The following PHF24 variants were observed in gnomAD, a reference collection of about 807,000 sequenced individuals.
The protein encoded by PHF24 is Galpha inhibitory interacting protein.
Under a neutral mutation model 42.6 loss-of-function variants are expected in PHF24, and 25 were observed. That is an observed-to-expected ratio of 0.59 (90% confidence interval 0.43 to 0.82). The LOEUF is 0.82. Ranked by LOEUF, PHF24 falls within the 40% of genes least tolerant of loss-of-function variation. The pLI is 0.00. For missense variants in PHF24, 470 were observed against 538.1 expected (o/e 0.87, Z 1.25); for synonymous variants, 185 against 204.8 (o/e 0.90, Z 0.83).
chr9:34,828,911 T>TTATTTATATCTATATCTATATCTA, the PHF24 span, among the ~76,000 whole-genome samples: 1 of 143,360 alleles, frequency 7.0e-6, no homozygotes, highest in African/African-American at 2.6e-5. Flanking sequence ...TTGCATGGTT[T>TTATTTATATCTATATCTATATCTA]TATCTATATC....
the PHF24 span, among the ~76,000 whole-genome samples, chr9:34,860,687 A>AGTGTGTGTGT: frequency 2.3e-3 from 346 of 150,062 alleles, 1 homozygote; most frequent in Middle Eastern, 0.024. Context: ...GACCTTTAAA[A>AGTGTGTGTGT]GTGTGTGTGT....
At chr9:34,886,710 G>A in the PHF24 span, among the ~76,000 whole-genome samples, 12 of 151,042 alleles carry the variant, frequency 7.9e-5, no homozygotes, top group Admixed American at 2.6e-4. Context: ...CACTCCCTTC[G>A]TGGTCATATC....
the PHF24 span, among the ~76,000 whole-genome samples, chr9:34,713,063 A>G: frequency 1.3e-5 from 2 of 151,972 alleles, no homozygotes; most frequent in Admixed American, 1.3e-4. Flanking sequence ...CAATTTTTTC[A>G]CTCCTTAGGG....
the PHF24 span, among the ~76,000 whole-genome samples, chr9:34,853,845 A>G: frequency 1.3e-5 from 2 of 150,008 alleles, no homozygotes; most frequent in Non-Finnish European, 3.0e-5. Flanking sequence ...AAAAAAAAAA[A>G]AGAAATGGCA....
At chr9:34,781,565 G>A in the PHF24 span, among the ~76,000 whole-genome samples, 1 of 152,086 alleles carries the variant, frequency 6.6e-6, no homozygotes, top group African/African-American at 2.4e-5. Context: ...TAACATTACC[G>A]AATTATACAT....
chr9:34,774,706 G>C, the PHF24 span, among the ~76,000 whole-genome samples: 1 of 152,182 alleles, frequency 6.6e-6, no homozygotes. Flanking sequence ...CTGGGAAGCA[G>C]AGGTTGGAGT....
At chr9:34,761,551 G>A in the PHF24 span, among the ~76,000 whole-genome samples, 1 of 152,056 alleles carries the variant, frequency 6.6e-6, no homozygotes, top group Non-Finnish European at 1.5e-5. Context: ...CTTGGTAAGG[G>A]GAAAAAGATG....
the PHF24 span, among the ~76,000 whole-genome samples, chr9:34,811,918 A>G: frequency 6.6e-6 from 1 of 152,254 alleles, no homozygotes; most frequent in African/African-American, 2.4e-5. Flanking sequence ...AATATCCAGT[A>G]TATATAAAGA....
At chr9:34,725,069 A>G in the PHF24 span, 1 of 1,551,882 alleles carries the variant, frequency 6.4e-7, no homozygotes, top group Non-Finnish European at 8.7e-7. Flanking sequence ...TGCTGTCTGC[A>G]GTTCCAGGAA....
At chr9:34,909,707 C>T in the PHF24 span, among the ~76,000 whole-genome samples, 6 of 151,806 alleles carry the variant, frequency 4.0e-5, no homozygotes, top group South Asian at 2.1e-4. Flanking sequence ...CTGCAAGCTC[C>T]GCCTCCCGGG....
At chr9:34,954,708 CTCAT>C (rs111295649), upstream of PHF24, among the ~76,000 whole-genome samples, 4,257 of 152,284 alleles carry the variant, frequency 0.028, 208 homozygotes, top group African/African-American at 0.096. Flanking sequence ...CATACACACT[CTCAT>C]TCAGTCCTTT....
the PHF24 span, among the ~76,000 whole-genome samples, chr9:34,694,099 G>A: frequency 6.6e-6 from 1 of 150,606 alleles, no homozygotes; most frequent in East Asian, 2.0e-4. Flanking sequence ...TACAGATTGA[G>A]GCCCACTGAT....
intron 1 of PHF24, among the ~76,000 whole-genome samples, chr9:34,970,805 T>G (rs531133613): frequency 4.6e-4 from 70 of 152,312 alleles, no homozygotes; most frequent in African/African-American, 1.6e-3. Context: ...GAGACAGAGA[T>G]ATCATTTCAT....
At chr9:34,806,723 T>G in the PHF24 span, among the ~76,000 whole-genome samples, 2 of 152,224 alleles carry the variant, frequency 1.3e-5, no homozygotes, top group Admixed American at 1.3e-4. Context: ...CCTCCCAAAG[T>G]GCTGGCATTA....
At chr9:34,887,805 A>G in the PHF24 span, among the ~76,000 whole-genome samples, 1 of 151,962 alleles carries the variant, frequency 6.6e-6, no homozygotes, top group African/African-American at 2.4e-5. Flanking sequence ...CATGCTCCCA[A>G]CGTAAGTTCC....
intron 4 of PHF24, 65 bp from the exon 5 acceptor site, chr9:34,976,470 A>T: frequency 6.5e-7 from 1 of 1,535,038 alleles, no homozygotes; most frequent in South Asian, 1.2e-5. Flanking sequence ...GGTGCCCTGG[A>T]GGTGATGGAG....
chr9:34,755,077 G>A, the PHF24 span, among the ~76,000 whole-genome samples: 1 of 151,832 alleles, frequency 6.6e-6, no homozygotes. Flanking sequence ...TTGGAGGGTT[G>A]GGGGGAAGTA....
chr9:34,678,129 C>T, the PHF24 span: 1 of 152,166 alleles, frequency 6.6e-6, no homozygotes, highest in Non-Finnish European at 1.5e-5. Flanking sequence ...CTGGCCTAGC[C>T]TCCCAGCCTA....
chr9:34,832,689 C>T, the PHF24 span: 17 of 1,543,552 alleles, frequency 1.1e-5, no homozygotes, highest in East Asian at 3.9e-4. Context: ...CTCTGTAAGG[C>T]TGGGCTTCTT....
Sources: gnomAD v4.1 joint callset for allele counts (sites outside exome capture counted in the v4.1 genomes callset) on GRCh38, gnomAD v4.1.1 for gene constraint, MANE v1.5 for transcripts, NCBI Gene and HGNC (gene_info 2026-07-23, HGNC 2026-07-21) for gene names.